Variants in THSD4 observed in about 807,000 individuals in gnomAD.
THSD4 encodes the protein thrombospondin type-1 domain-containing protein 4.
Under a neutral mutation model 119.0 loss-of-function variants are expected in THSD4, and 69 were observed. The ratio of observed to expected loss-of-function variants is 0.58; its 90% confidence interval spans 0.48 to 0.71. THSD4 has a LOEUF of 0.71. Among genes scored for constraint, THSD4 ranks in the 30% least tolerant of loss-of-function variants. The pLI is 0.00. For synonymous variants in THSD4, 524 were observed against 540.4 expected (o/e 0.97, Z 0.42); for missense variants, 1,393 against 1,391.1 (o/e 1.00, Z -0.02).
At chr15:71,412,549 A>G (rs2046704179) in intron 7 of THSD4, among the ~76,000 whole-genome samples, 1 of 152,208 alleles carries the variant, frequency 6.6e-6, no homozygotes, top group African/African-American at 2.4e-5. Context: ...TAGCAGGTAA[A>G]TGACTCTGGA....
intron 3 of THSD4, among the ~76,000 whole-genome samples, chr15:71,198,646 G>A (rs113442896): frequency 1.6e-3 from 246 of 152,292 alleles, no homozygotes; most frequent in Middle Eastern, 3.4e-3. Flanking sequence ...CAAATCCATC[G>A]TAAGGAGGTT....
intron 5 of THSD4, among the ~76,000 whole-genome samples, chr15:71,252,309 G>A (rs2044267880): frequency 6.6e-6 from 1 of 152,228 alleles, no homozygotes; most frequent in South Asian, 2.1e-4. Context: ...CCTAAGAAAG[G>A]GGTAAAAGGA....
rs1403173506 is a variant in THSD4 at position 71,715,474 on chromosome 15, C to T, written c.1358-13075C>T. 3.9e-5 allele frequency among the ~76,000 whole-genome samples: 6 copies of T among 151,968 alleles called. No homozygotes were observed. In the East Asian group the frequency reaches 1.2e-3, roughly 29 times the overall value. On this transcript the variant is annotated intron_variant, in intron 8 of 17. Transcript: ENST00000261862. ...AATTTTTGTTTAATTACCCGAATTC[C>T]CAGCATTGAATGGGCTTTGGATTCT...
At chr15:71,662,795 T>C (rs371214501) in intron 8 of THSD4, among the ~76,000 whole-genome samples, 8 of 152,338 alleles carry the variant, frequency 5.3e-5, no homozygotes, top group African/African-American at 1.9e-4. Flanking sequence ...GATACAGATA[T>C]TTCAGACTCG....
At chr15:71,421,889 T>C (rs1282507712) in intron 7 of THSD4, among the ~76,000 whole-genome samples, 1 of 152,218 alleles carries the variant, frequency 6.6e-6, no homozygotes, top group Non-Finnish European at 1.5e-5. Flanking sequence ...TCTTGTGTAT[T>C]TTCAAATAAC....
chr15:71,408,226 G>T (rs532397784), intron 6 of THSD4, among the ~76,000 whole-genome samples: 5 of 151,888 alleles, frequency 3.3e-5, no homozygotes, highest in Non-Finnish European at 7.4e-5. Flanking sequence ...ACCCTTCAAA[G>T]GTTGTTGTTG....
chr15:71,738,142 T>A, intron 11 of THSD4, 135 bp downstream of exon 11: 1 of 1,219,264 alleles, frequency 8.2e-7, no homozygotes, highest in Non-Finnish European at 1.1e-6. Flanking sequence ...CCATGGATGG[T>A]GGCGGGGTTG....
At chr15:71,429,804 C>T (rs918871179) in intron 7 of THSD4, among the ~76,000 whole-genome samples, 75 of 152,220 alleles carry the variant, frequency 4.9e-4, no homozygotes, top group African/African-American at 1.6e-3. Flanking sequence ...ACCAGTCTCT[C>T]ATTCCTGAGA....
chr15:71,105,710 C>T (rs1210159715), intron 1 of THSD4, among the ~76,000 whole-genome samples: 2 of 152,204 alleles, frequency 1.3e-5, no homozygotes, highest in African/African-American at 2.4e-5. Context: ...TTCTTTTCCT[C>T]TACATTTCAT....
At chr15:71,307,177 G>T (rs539405956) in intron 6 of THSD4, among the ~76,000 whole-genome samples, 2 of 152,252 alleles carry the variant, frequency 1.3e-5, no homozygotes, top group South Asian at 2.1e-4. Context: ...CCTGTTGGTG[G>T]CTGAACACCT....
intron 11 of THSD4, chr15:71,738,303 C>T (rs1443944957): frequency 6.5e-6 from 2 of 305,386 alleles, no homozygotes; most frequent in African/African-American, 4.3e-5. Flanking sequence ...CTGATCTCGC[C>T]CACCCACCAG....
chr15:71,298,156 G>A (rs1325728373), intron 6 of THSD4, among the ~76,000 whole-genome samples: 1 of 151,978 alleles, frequency 6.6e-6, no homozygotes, highest in African/African-American at 2.4e-5. Context: ...TTCATTTTTT[G>A]GAGGGGCTAT....
intron 14 of THSD4, among the ~76,000 whole-genome samples, chr15:71,754,661 G>C (rs1567137196): frequency 1.3e-5 from 2 of 152,280 alleles, no homozygotes; most frequent in South Asian, 4.1e-4. Flanking sequence ...ACCTGTAGGG[G>C]AGGAAAAATG....
chr15:71,170,806 A>G (rs976113380), intron 3 of THSD4, among the ~76,000 whole-genome samples: 1 of 152,218 alleles, frequency 6.6e-6, no homozygotes, highest in African/African-American at 2.4e-5. Context: ...ACCATATTCC[A>G]TATATTCATA....
intron 6 of THSD4, among the ~76,000 whole-genome samples, chr15:71,339,628 C>T (rs1379707735): frequency 6.6e-6 from 1 of 152,136 alleles, no homozygotes; most frequent in East Asian, 1.9e-4. Context: ...TCTGTCATAA[C>T]TTGAGATAAG....
chr15:71,275,830 A>G (rs1402880601), intron 6 of THSD4, among the ~76,000 whole-genome samples: 1 of 152,138 alleles, frequency 6.6e-6, no homozygotes, highest in Non-Finnish European at 1.5e-5. Context: ...GCATCGCCTT[A>G]CTGCCACCGT....
intron 3 of THSD4, among the ~76,000 whole-genome samples, chr15:71,193,787 A>G (rs1013348885): frequency 5.9e-5 from 9 of 152,012 alleles, no homozygotes; most frequent in Non-Finnish European, 1.0e-4. Context: ...GGCTCTCTGC[A>G]AGCTCCGCCT....
intron 6 of THSD4, among the ~76,000 whole-genome samples, chr15:71,402,388 C>T (rs765199342): frequency 6.6e-6 from 1 of 152,126 alleles, no homozygotes; most frequent in Non-Finnish European, 1.5e-5. Context: ...TATGTACATG[C>T]ACTTCACACT....
Position 71,777,505 on chromosome 15 carries a change from T to C in THSD4, c.*131T>C. The C allele has an allele frequency of 7.8e-7, 1 of 1,279,102 alleles. No homozygotes were observed. Among genetic ancestry groups the C allele is most frequent in the Non-Finnish European group, 1.1e-6 (1 of 946,414 alleles). 79.2% of individuals were successfully genotyped at this position (1,279,102 alleles called of 1,614,324 possible). ...TGCCAACCAACTTAGTCACCACCCC[T>C]GCCTCCGGTGAATGCACCCCGTGGT... On this transcript the variant is annotated 3_prime_UTR_variant, in exon 18 of 18. Coordinates refer to ENST00000261862, the MANE Select transcript of THSD4 (RefSeq NM_024817.3).
Sources: allele counts gnomAD v4.1 joint callset (sites outside exome capture counted in the v4.1 genomes callset), GRCh38; gene constraint gnomAD v4.1.1; transcripts MANE v1.5; gene names NCBI Gene and HGNC (gene_info 2026-07-23, HGNC 2026-07-21).